The following CFAP61 variants were observed in gnomAD, a reference collection of about 807,000 sequenced individuals.
CFAP61 encodes the protein cilia- and flagella-associated protein 61.
Under a neutral mutation model 135.6 loss-of-function variants are expected in CFAP61, and 107 were observed. That is an observed-to-expected ratio of 0.79 (90% CI 0.67 to 0.93). The LOEUF is 0.93. CFAP61 is among the 40% of genes least tolerant of loss of function. The pLI is 0.00. For synonymous variants in CFAP61, 575 were observed against 578.5 expected (o/e 0.99, Z 0.09); for missense variants, 1,507 against 1,556.2 (o/e 0.97, Z 0.53).
At chr20:20,295,668 T>C (rs1569257756) in intron 24 of CFAP61, among the ~76,000 whole-genome samples, 1 of 152,180 alleles carries the variant, frequency 6.6e-6, no homozygotes, top group East Asian at 1.9e-4. Flanking sequence ...ACATATATTT[T>C]AATTCTGAAA....
At chr20:20,155,045 CA>C in intron 9 of CFAP61, among the ~76,000 whole-genome samples, 1 of 152,086 alleles carries the variant, frequency 6.6e-6, no homozygotes, top group South Asian at 2.1e-4. Context: ...CTATAGTTAC[CA>C]AAAAAGCATG....
chr20:20,258,369 G>A (rs919218547), intron 20 of CFAP61: 18 of 152,144 alleles, frequency 1.2e-4, no homozygotes, highest in Non-Finnish European at 2.5e-4. Context: ...GAACATGGTT[G>A]TATCAGAGGA....
intron 17 of CFAP61, among the ~76,000 whole-genome samples, chr20:20,208,959 C>G (rs2047434219): frequency 6.6e-6 from 1 of 152,216 alleles, no homozygotes; most frequent in African/African-American, 2.4e-5. Context: ...ATGGGACTCA[C>G]AGCACGTCAA....
At chr20:20,197,848 A>G (rs2146889049) in intron 16 of CFAP61, among the ~76,000 whole-genome samples, 1 of 152,308 alleles carries the variant, frequency 6.6e-6, no homozygotes, top group South Asian at 2.1e-4. Context: ...CATGAACTCA[A>G]ACTTTCCCAT....
chr20:20,055,824 G>A, intron 1 of CFAP61: 1 of 708,472 alleles, frequency 1.4e-6, no homozygotes, highest in East Asian at 2.7e-5. Flanking sequence ...CCTGTTTTGA[G>A]CTCACTGGCT....
At chr20:20,321,254 G>A (rs1326099212) in intron 25 of CFAP61, among the ~76,000 whole-genome samples, 1 of 152,116 alleles carries the variant, frequency 6.6e-6, no homozygotes, top group Admixed American at 6.5e-5. Flanking sequence ...GTTAATAAAT[G>A]AGAGTGTCTG....
intron 26 of CFAP61, among the ~76,000 whole-genome samples, chr20:20,356,333 G>A (rs1380593348): frequency 6.8e-6 from 1 of 147,498 alleles, no homozygotes; most frequent in African/African-American, 2.6e-5. Context: ...TGGTCACACT[G>A]AGGGGAGGTG....
chr20:20,106,541 G>A (rs1568917402), intron 8 of CFAP61, among the ~76,000 whole-genome samples: 2 of 152,190 alleles, frequency 1.3e-5, no homozygotes, highest in African/African-American at 4.8e-5. Flanking sequence ...GGAAATACAA[G>A]CGCATTTTTG....
chr20:20,302,667 T>C (rs1601904192), intron 25 of CFAP61, among the ~76,000 whole-genome samples: 1 of 151,452 alleles, frequency 6.6e-6, no homozygotes, highest in Non-Finnish European at 1.5e-5. Flanking sequence ...GTCTCAAAAA[T>C]AAAAATAAAA....
chr20:20,142,169 G>A (rs544575238), intron 8 of CFAP61, among the ~76,000 whole-genome samples: 2 of 152,214 alleles, frequency 1.3e-5, no homozygotes, highest in African/African-American at 4.8e-5. Context: ...AGACAAAATG[G>A]GAAATTTTTA....
chr20:20,288,482 A>G, intron 22 of CFAP61, 127 bp from the exon 23 acceptor site: 1 of 732,562 alleles, frequency 1.4e-6, no homozygotes, highest in Non-Finnish European at 2.3e-6. Context: ...AAACAACATG[A>G]TAGCAAACTT....
chr20:20,269,186 CACAT>C (rs1404692056), intron 21 of CFAP61, among the ~76,000 whole-genome samples: 5 of 90,780 alleles, frequency 5.5e-5, no homozygotes, highest in Non-Finnish European at 5.1e-5. Flanking sequence ...TATATACACA[CACAT>C]ATATACATAT....
intron 9 of CFAP61, among the ~76,000 whole-genome samples, chr20:20,147,075 T>C (rs753842638): frequency 6.6e-6 from 1 of 152,248 alleles, no homozygotes; most frequent in Non-Finnish European, 1.5e-5. Flanking sequence ...CAAAAGACAT[T>C]ATTTCATTCC....
rs1233904666 is a variant in CFAP61, at chr20:20,360,232, A to G, written c.3536A>G (p.Glu1179Gly). Residue 1179 changes from glutamate (E) to glycine (G), a missense_variant, in exon 27 of 27, where the codon GAG (glutamate) becomes GGG (glycine). By Grantham distance (98) the Glu-to-Gly change is moderately conservative (BLOSUM62 -2). Transcript: ENST00000245957. ...CAGGAGGAAGATCTTCCTTCCATAG[A>G]GCAGTTAGCCCATCAAATAGAAGAT... ...SKEEEDLPSI[E>G]QLAHQIEDEE... The G allele has an allele frequency of 6.2e-7, 1 of 1,613,672 alleles. No homozygotes were observed. Among genetic ancestry groups the G allele is most frequent in the Admixed American group, 1.7e-5 (1 of 59,992 alleles).
chr20:20,324,894 C>T (rs775818421), intron 25 of CFAP61, among the ~76,000 whole-genome samples: 6 of 152,084 alleles, frequency 3.9e-5, no homozygotes, highest in Admixed American at 3.3e-4. Flanking sequence ...AATTAGGTTG[C>T]CTGTTTCTTT....
At chr20:20,291,563 A>G (rs1371718701) in intron 24 of CFAP61, among the ~76,000 whole-genome samples, 1 of 152,194 alleles carries the variant, frequency 6.6e-6, no homozygotes, top group African/African-American at 2.4e-5. Flanking sequence ...CCATTCACCT[A>G]CTGAAGGACA....
chr20:20,205,308 T>C (rs111823092), intron 17 of CFAP61, among the ~76,000 whole-genome samples: 37 of 152,186 alleles, frequency 2.4e-4, no homozygotes, highest in African/African-American at 8.9e-4. Flanking sequence ...TTACTGCAAT[T>C]ACCATCCTCA....
intron 8 of CFAP61, among the ~76,000 whole-genome samples, chr20:20,101,710 C>G (rs1408876307): frequency 1.3e-5 from 2 of 152,108 alleles, no homozygotes; most frequent in Non-Finnish European, 2.9e-5. Context: ...ATTGCAACCT[C>G]TGCCTCCCGG....
intron 20 of CFAP61, among the ~76,000 whole-genome samples, chr20:20,258,777 T>A (rs1187407992): frequency 2.0e-5 from 3 of 152,166 alleles, no homozygotes; most frequent in South Asian, 4.1e-4. Context: ...TGCCGTTGAA[T>A]GTTTACCGCG....
Sources: allele counts gnomAD v4.1 joint callset (sites outside exome capture counted in the v4.1 genomes callset), GRCh38; gene constraint gnomAD v4.1.1; transcripts MANE v1.5; gene names NCBI Gene and HGNC (gene_info 2026-07-23, HGNC 2026-07-21).